The following MAN1A2 variants were observed in gnomAD, a reference collection of about 807,000 sequenced individuals.
MAN1A2 encodes the protein mannosyl-oligosaccharide 1,2-alpha-mannosidase IB.
A neutral mutation model predicts 75.7 loss-of-function variants in MAN1A2; 26 were observed. The observed-to-expected ratio is 0.34, with a 90% CI of 0.25 to 0.48. The LOEUF (loss-of-function observed/expected upper bound fraction) is 0.48, where lower values mean the gene tolerates loss of function less well. Among genes scored for constraint, MAN1A2 ranks in the 20% least tolerant of loss-of-function variants. The pLI, the probability that MAN1A2 is intolerant of heterozygous loss-of-function variation, is 0.99. For synonymous variants in MAN1A2, 247 were observed against 264.6 expected, an observed-to-expected ratio of 0.93 and a Z score of 0.65; for missense variants, 562 against 775.5, an observed-to-expected ratio of 0.72 and a Z score of 3.27.
chr1:117,445,373 T>G (rs1649177910), intron 6 of MAN1A2, among the ~76,000 whole-genome samples: 3 of 152,188 alleles, frequency 2.0e-5, no homozygotes, highest in Admixed American at 6.5e-5. Context: ...ATTATTAAAT[T>G]ATTAAAATTT....
chr1:117,383,813 A>G (rs2101729625), intron 1 of MAN1A2, among the ~76,000 whole-genome samples: 1 of 151,898 alleles, frequency 6.6e-6, no homozygotes, highest in Non-Finnish European at 1.5e-5. Flanking sequence ...GGTTATTCAC[A>G]GGTGTGATCA....
rs563830215 is a variant in MAN1A2 at position 117,368,480 on chromosome 1, A to G, written c.297A>G (p.Arg99=). 141 of 1,603,278 alleles carry G rather than the reference A, an allele frequency of 8.8e-5. 1 individual carries two copies. The South Asian group carries it at 1.3e-3, about 15-fold the overall frequency. Residue 99 remains arginine (R), a synonymous_variant, in exon 1 of 13, where the codon AGA becomes AGG. Coordinates refer to ENST00000356554, the MANE Select transcript of MAN1A2 (RefSeq NM_006699.5). ...VFLIHGPDEH[R]HREEEERLRN... ...TGATCCATGGACCCGATGAACATAG[A>G]CACAGGTTTGTTTATTTCAGAAGTT... is the stretch of plus-strand genomic sequence containing the variant.
At chr1:117,384,442 T>C (rs949564335) in intron 1 of MAN1A2, among the ~76,000 whole-genome samples, 6 of 151,858 alleles carry the variant, frequency 4.0e-5, no homozygotes, top group Non-Finnish European at 5.9e-5. Flanking sequence ...TCTAACTTCA[T>C]TTCATTGGGG....
intron 3 of MAN1A2, among the ~76,000 whole-genome samples, chr1:117,414,226 T>C (rs945495231): frequency 6.6e-6 from 1 of 151,620 alleles, no homozygotes; most frequent in African/African-American, 2.4e-5. Flanking sequence ...AGCCCTGTTG[T>C]ACATTTATTA....
chr1:117,502,700 A>G (rs1381068709), intron 11 of MAN1A2, among the ~76,000 whole-genome samples, 155 bp from the exon 12 acceptor site: 1 of 151,782 alleles, frequency 6.6e-6, no homozygotes, highest in Non-Finnish European at 1.5e-5. Flanking sequence ...TTTTTCCAGT[A>G]TGAGAATATT....
chr1:117,472,122 TCTGA>T (rs1650179662), intron 8 of MAN1A2, among the ~76,000 whole-genome samples: 2 of 151,944 alleles, frequency 1.3e-5, no homozygotes, highest in Admixed American at 6.6e-5. Context: ...TCTTGTCAGT[TCTGA>T]CTATTTCTGA....
At chr1:117,415,180 C>T (rs544317814) in intron 4 of MAN1A2, among the ~76,000 whole-genome samples, 4 of 152,184 alleles carry the variant, frequency 2.6e-5, no homozygotes, top group South Asian at 4.1e-4. Flanking sequence ...CAGTTGCATT[C>T]TTGGTGTGCG....
chr1:117,513,568 A>G (rs1651610881), intron 12 of MAN1A2, among the ~76,000 whole-genome samples: 2 of 151,850 alleles, frequency 1.3e-5, no homozygotes, highest in African/African-American at 4.8e-5. Flanking sequence ...CTTGCTCTTA[A>G]TTTTTTCTTT....
At chr1:117,517,483 A>G (rs181599298) in intron 12 of MAN1A2, among the ~76,000 whole-genome samples, 4 of 152,294 alleles carry the variant, frequency 2.6e-5, no homozygotes, top group Admixed American at 6.5e-5. Flanking sequence ...AAAAACTGTA[A>G]TGTTTCAGTT....
At chr1:117,471,533 A>C (rs1048501913) in intron 8 of MAN1A2, among the ~76,000 whole-genome samples, 4 of 151,892 alleles carry the variant, frequency 2.6e-5, no homozygotes, top group Non-Finnish European at 5.9e-5. Context: ...CAAATTTGAC[A>C]TGTAGGCATA....
At chr1:117,390,227 G>C (rs1018487886) in intron 1 of MAN1A2, among the ~76,000 whole-genome samples, 1 of 152,072 alleles carries the variant, frequency 6.6e-6, no homozygotes, top group Non-Finnish European at 1.5e-5. Flanking sequence ...TTACCTAAAT[G>C]CTTGATAGAA....
Position 117,525,127 on chromosome 1 carries a change from C to A in MAN1A2, c.*2170C>A. ...GATGAGGAGACAGAACCCCTACTTC[C>A]AAGTGCTCTATTTGTATTACCCAGA... On this transcript the variant is annotated 3_prime_UTR_variant, in exon 13 of 13. Coordinates refer to ENST00000356554, the MANE Select transcript of MAN1A2 (RefSeq NM_006699.5). 1.9e-6 allele frequency: 1 copy of A among 529,130 alleles called. No individual in the cohort carries two copies. Among genetic ancestry groups the A allele is most frequent in the African/African-American group, 1.9e-5 (1 of 51,956 alleles). The allele number at this position is 529,130 out of a possible 1,614,324, so 32.8% of individuals were successfully genotyped here. A position where few individuals can be genotyped will look rare whatever the true frequency, so the allele number is the denominator to read the frequency against.
intron 8 of MAN1A2, 39 bp from the exon 9 acceptor site, chr1:117,493,108 G>A: frequency 9.2e-7 from 1 of 1,090,772 alleles, no homozygotes; most frequent in South Asian, 1.3e-5. Flanking sequence ...GTCTTCCCTT[G>A]CCTTTACCTC....
rs1366950765 is a variant in MAN1A2 at position 117,432,962 on chromosome 1, GAT to G, written c.856-9267_856-9266del. On this transcript the variant is annotated intron_variant, in intron 5 of 12. Transcript: ENST00000356554. ...TATATTCTTTTTATATAATATAAAA[GAT>G]AATATATCAAGAAAAATTTCTTTTA... Among the ~76,000 whole-genome samples the G allele has an allele frequency of 3.4e-5, 5 of 148,462 alleles. 1 individual carries two copies. The highest frequency in any genetic ancestry group is 4.2e-4 in the South Asian group (2 of 4,722).
At chr1:117,383,153 A>ATGTTAGC (rs1464003704) in intron 1 of MAN1A2, among the ~76,000 whole-genome samples, 1 of 152,180 alleles carries the variant, frequency 6.6e-6, no homozygotes, top group Non-Finnish European at 1.5e-5. Flanking sequence ...ATTGAGTGTG[A>ATGTTAGC]TGTTAGCTGT....
intron 1 of MAN1A2, among the ~76,000 whole-genome samples, chr1:117,392,719 AACTGCTTTCT>A (rs1397915160): frequency 6.6e-6 from 1 of 152,228 alleles, no homozygotes; most frequent in Non-Finnish European, 1.5e-5. Context: ...AATAATCTAT[AACTGCTTTCT>A]ACAGAAACAA....
chr1:117,425,240 C>T (rs1370756970), intron 5 of MAN1A2, among the ~76,000 whole-genome samples: 4 of 152,040 alleles, frequency 2.6e-5, no homozygotes, highest in Non-Finnish European at 4.4e-5. Flanking sequence ...AAGGAAAAAA[C>T]AAAACTCCCA....
At chr1:117,445,742 G>GT (rs1649202656) in intron 6 of MAN1A2, among the ~76,000 whole-genome samples, 1 of 151,028 alleles carries the variant, frequency 6.6e-6, no homozygotes, top group Non-Finnish European at 1.5e-5. Context: ...GCCTAGTCTG[G>GT]TCCCAAACTC....
intron 7 of MAN1A2, among the ~76,000 whole-genome samples, chr1:117,460,905 A>C (rs578255793): frequency 6.6e-6 from 1 of 152,342 alleles, no homozygotes; most frequent in Non-Finnish European, 1.5e-5. Flanking sequence ...TAAGACAAGA[A>C]AAACAAAATA....
Sources: allele counts gnomAD v4.1 joint callset (sites outside exome capture counted in the v4.1 genomes callset), GRCh38; gene constraint gnomAD v4.1.1; transcripts MANE v1.5; gene names NCBI Gene and HGNC (gene_info 2026-07-23, HGNC 2026-07-21).